The following PRKX variants were observed in gnomAD, a reference collection of about 807,000 sequenced individuals.
PRKX encodes the protein cAMP-dependent protein kinase catalytic subunit PRKX.
Under a neutral mutation model 22.0 loss-of-function variants are expected in PRKX, and 12 were observed. That is an observed-to-expected ratio of 0.54 (90% CI 0.35 to 0.88). PRKX has a LOEUF of 0.88. Among genes scored for constraint, PRKX ranks in the 40% least tolerant of loss-of-function variants. The probability of loss-of-function intolerance (pLI) is 0.01; values close to 1 mark genes in which losing one functional copy is unlikely to be tolerated. For synonymous variants in PRKX, 134 were observed against 137.7 expected (o/e 0.97, Z 0.19); for missense variants, 217 against 308.0 (o/e 0.70, Z 2.21).
At chrX:3,617,247 CAT>C (rs1333376116) in intron 6 of PRKX, among the ~76,000 whole-genome samples, 1 of 106,469 alleles carries the variant, frequency 9.4e-6, no homozygotes, top group African/African-American at 3.4e-5. Context: ...TATATATACA[CAT>C]ATACATATGT....
intron 4 of PRKX, among the ~76,000 whole-genome samples, chrX:3,637,535 G>A (rs190983066): frequency 2.9e-3 from 326 of 111,202 alleles, no homozygotes; most frequent in Non-Finnish European, 3.2e-3. Flanking sequence ...AGTTGGGGTC[G>A]GCGAAGCTGG....
intron 4 of PRKX, among the ~76,000 whole-genome samples, chrX:3,632,359 G>A (rs781723453): frequency 2.7e-5 from 3 of 111,023 alleles, no homozygotes; most frequent in East Asian, 5.7e-4. Context: ...CGCCTCAGAC[G>A]TTAACAACCT....
At chrX:3,652,821 T>C (rs747466992) in intron 3 of PRKX, among the ~76,000 whole-genome samples, 3 of 109,965 alleles carry the variant, frequency 2.7e-5, no homozygotes, top group Non-Finnish European at 3.8e-5. Flanking sequence ...CCAAGAGGAC[T>C]GGTGTCCTCA....
Position 3,655,391 on chromosome X carries a change from C to T in PRKX, c.357G>A (p.Glu119=), listed in dbSNP as rs200360871. 113 of 1,210,959 alleles carry T rather than the reference C, an allele frequency of 9.3e-5. No individual in the cohort carries two copies. Among genetic ancestry groups the T allele is most frequent in the Non-Finnish European group, 1.2e-4 (106 of 895,465 alleles). The change falls in exon 3 of 9, where the codon GAG becomes GAA. Residue 119 remains glutamate, a synonymous_variant. Coordinates refer to ENST00000262848, the MANE Select transcript of PRKX (RefSeq NM_005044.5). ...LIRLFWTWHD[E]RFLYMLMEYV... The stretch of plus-strand genomic sequence containing the variant: ...ACTCCATGAGCATGTAGAGGAAGCG[C>T]TCGTCATGCCACGTCCAGAACCTGC...
At chrX:3,686,016 C>G (rs1348534812) in intron 1 of PRKX, among the ~76,000 whole-genome samples, 6 of 111,918 alleles carry the variant, frequency 5.4e-5, no homozygotes, top group African/African-American at 1.9e-4. Flanking sequence ...CCACTGCACT[C>G]CAGCCTGGGA....
intron 2 of PRKX, among the ~76,000 whole-genome samples, chrX:3,671,839 T>C (rs369771496): frequency 2.0e-4 from 22 of 110,423 alleles, no homozygotes; most frequent in African/African-American, 6.6e-4. Context: ...AATTTTAAAA[T>C]GAGGTAGGTG....
In PRKX at chrX:3,711,564, G is replaced by A. The variant is rs182059492; in HGVS notation, c.166+1524C>T. Among the ~76,000 whole-genome samples, 532 of 112,171 alleles carry A rather than the reference G, an allele frequency of 4.7e-3. 3 individuals carry two copies. The highest frequency in any genetic ancestry group is 6.3e-3 in the Non-Finnish European group (333 of 53,250). ...GTGCCCCAAAGAATGACAAACGCTG[G>A]TGCTGAGTGCCAAGGAACGGCTGGA... is the stretch of plus-strand genomic sequence containing the variant. On this transcript the variant is annotated intron_variant, in intron 1 of 8. Coordinates refer to ENST00000262848, the MANE Select transcript of PRKX (RefSeq NM_005044.5).
chrX:3,642,832 C>T (rs1447477324), intron 3 of PRKX, among the ~76,000 whole-genome samples: 2 of 107,439 alleles, frequency 1.9e-5, no homozygotes, highest in African/African-American at 3.4e-5. Flanking sequence ...AACCCCATCT[C>T]TACTAAAAAT....
At chrX:3,687,182 G>C (rs1415779811) in intron 1 of PRKX, among the ~76,000 whole-genome samples, 1 of 110,323 alleles carries the variant, frequency 9.1e-6, no homozygotes, top group African/African-American at 3.3e-5. Context: ...ACCATGTCTG[G>C]CTAATTTTGT....
At chrX:3,691,120 C>T (rs909267772) in intron 1 of PRKX, among the ~76,000 whole-genome samples, 9 of 112,023 alleles carry the variant, frequency 8.0e-5, no homozygotes, top group African/African-American at 2.9e-4. Context: ...GAGCCCCGTA[C>T]AGAGGGATCA....
At chrX:3,620,309 C>T (rs187776889) in intron 6 of PRKX, among the ~76,000 whole-genome samples, 6 of 112,410 alleles carry the variant, frequency 5.3e-5, no homozygotes, top group African/African-American at 1.6e-4. Context: ...TTGAAGACAT[C>T]GTGCTCAGAG....
chrX:3,636,734 C>A (rs1237497958), intron 4 of PRKX, among the ~76,000 whole-genome samples: 1 of 111,850 alleles, frequency 8.9e-6, no homozygotes, highest in African/African-American at 3.2e-5. Context: ...GTGGCGCACA[C>A]CTGTAATCCC....
intron 7 of PRKX, among the ~76,000 whole-genome samples, chrX:3,615,562 G>A (rs574823477): frequency 1.8e-5 from 2 of 111,717 alleles, no homozygotes; most frequent in East Asian, 2.8e-4. Context: ...TCCATCCAGG[G>A]ATGAATGGAC....
intron 1 of PRKX, among the ~76,000 whole-genome samples, chrX:3,679,570 T>C (rs908496211): frequency 1.8e-5 from 2 of 112,352 alleles, no homozygotes; most frequent in African/African-American, 6.5e-5. Context: ...AACGTGAGAC[T>C]GTTCAGGCTT....
chrX:3,684,462 G>A (rs1480321378), intron 1 of PRKX, among the ~76,000 whole-genome samples: 1 of 109,869 alleles, frequency 9.1e-6, no homozygotes, highest in African/African-American at 3.3e-5. Flanking sequence ...GCTACTCTCT[G>A]TTGAAAAAAA....
intron 4 of PRKX, among the ~76,000 whole-genome samples, chrX:3,639,599 T>C (rs1401245402): frequency 1.9e-5 from 2 of 105,032 alleles, no homozygotes; most frequent in African/African-American, 7.0e-5. Flanking sequence ...TGGAAAAGTA[T>C]ATAAACATAG....
intron 4 of PRKX, among the ~76,000 whole-genome samples, chrX:3,629,686 ACT>A (rs72066081): frequency 0.088 from 9,708 of 110,030 alleles, 328 homozygotes; most frequent in Non-Finnish European, 0.1. Context: ...ACAGGGTTTG[ACT>A]CTGTCACCCA....
intron 1 of PRKX, among the ~76,000 whole-genome samples, chrX:3,701,759 G>C (rs1199291378): frequency 4.5e-5 from 5 of 111,469 alleles, no homozygotes; most frequent in African/African-American, 9.8e-5. Context: ...CGGTAAAGAA[G>C]CTGGCCAAAT....
At chrX:3,689,765 C>T (rs1057369838) in intron 1 of PRKX, among the ~76,000 whole-genome samples, 2 of 111,832 alleles carry the variant, frequency 1.8e-5, no homozygotes, top group South Asian at 3.7e-4. Flanking sequence ...ATCACAAGGT[C>T]AGGAGATCGA....
Sources: gnomAD v4.1 joint callset for allele counts (sites outside exome capture counted in the v4.1 genomes callset) on GRCh38, gnomAD v4.1.1 for gene constraint, MANE v1.5 for transcripts, NCBI Gene and HGNC (gene_info 2026-07-23, HGNC 2026-07-21) for gene names.